Variants in OSBPL1A observed in about 807,000 individuals in gnomAD.
OSBPL1A encodes oxysterol binding protein like 1A.
OSBPL1A carries 80 observed loss-of-function variants against 137.1 expected under a neutral mutation model. The ratio of observed to expected loss-of-function variants is 0.58; its 90% CI spans 0.49 to 0.70. The LOEUF (loss-of-function observed/expected upper bound fraction) is 0.70, where lower values mean the gene tolerates loss of function less well. Ranked by LOEUF, OSBPL1A falls within the 30% of genes least tolerant of loss-of-function variation. OSBPL1A has a pLI of 0.00. For synonymous variants in OSBPL1A, 365 were observed against 389.7 expected (o/e 0.94, Z 0.75); for missense variants, 970 against 1,129.4 (o/e 0.86, Z 2.02).
chr18:24,229,275 T>G (rs2088191872), intron 16 of OSBPL1A, among the ~76,000 whole-genome samples: 1 of 152,164 alleles, frequency 6.6e-6, no homozygotes, highest in South Asian at 2.1e-4. Context: ...ATACATGTCA[T>G]GAGGTTCTGT....
At chr18:24,397,556 A>G (rs1389774139) in intron 1 of OSBPL1A, 99 bp downstream of exon 1, 4 of 152,006 alleles carry the variant, frequency 2.6e-5, no homozygotes, top group African/African-American at 7.3e-5. Flanking sequence ...CCCACCCCCA[A>G]CCAGGCGCGG....
At chr18:24,349,900 T>G (rs904805820) in intron 4 of OSBPL1A, among the ~76,000 whole-genome samples, 5 of 152,162 alleles carry the variant, frequency 3.3e-5, no homozygotes, top group Non-Finnish European at 7.4e-5. Context: ...ACCTTCAGAA[T>G]TGTGAAATAA....
chr18:24,264,928 G>A (rs1463566857), intron 15 of OSBPL1A, among the ~76,000 whole-genome samples: 3 of 152,160 alleles, frequency 2.0e-5, no homozygotes, highest in Non-Finnish European at 2.9e-5. Flanking sequence ...AGCATCCTCT[G>A]TAAAATAAAG....
chr18:24,216,351 A>T (rs2087697424), intron 17 of OSBPL1A, among the ~76,000 whole-genome samples: 1 of 152,130 alleles, frequency 6.6e-6, no homozygotes, highest in African/African-American at 2.4e-5. Flanking sequence ...ACTAAAATAC[A>T]AAAAAATTAG....
At chr18:24,337,390 A>ATAACATAACATAACT in intron 5 of OSBPL1A, among the ~76,000 whole-genome samples, 1 of 151,122 alleles carries the variant, frequency 6.6e-6, no homozygotes, top group African/African-American at 2.4e-5. Flanking sequence ...ATAACATAAC[A>ATAACATAACATAACT]TAACATAACA....
intron 4 of OSBPL1A, among the ~76,000 whole-genome samples, chr18:24,363,442 T>C (rs2146189375): frequency 1.4e-5 from 2 of 145,340 alleles, no homozygotes; most frequent in South Asian, 2.1e-4. Context: ...CTTTTTCTTT[T>C]TTTCCTTTTT....
At chr18:24,292,359 T>C (rs1257016204) in intron 14 of OSBPL1A, among the ~76,000 whole-genome samples, 20 of 152,184 alleles carry the variant, frequency 1.3e-4, no homozygotes, top group Non-Finnish European at 1.5e-5. Flanking sequence ...GTTCTGATGG[T>C]TTCTTCCCTA....
intron 15 of OSBPL1A, among the ~76,000 whole-genome samples, chr18:24,278,979 G>C (rs1329702139): frequency 6.6e-6 from 1 of 152,258 alleles, no homozygotes; most frequent in East Asian, 1.9e-4. Context: ...GAACAATTAT[G>C]TTTTCCTGTG....
chr18:24,389,565 C>T (rs1248881875), intron 1 of OSBPL1A, among the ~76,000 whole-genome samples: 5 of 152,110 alleles, frequency 3.3e-5, no homozygotes, highest in Non-Finnish European at 5.9e-5. Flanking sequence ...ACTCCAAGGG[C>T]GATGACTTGT....
chr18:24,278,821 A>G (rs2089898295), intron 15 of OSBPL1A, among the ~76,000 whole-genome samples: 2 of 152,184 alleles, frequency 1.3e-5, no homozygotes, highest in Non-Finnish European at 2.9e-5. Flanking sequence ...TCTGAATGCA[A>G]TCATCCTGTT....
chr18:24,245,957 C>T (rs975194247), intron 15 of OSBPL1A, among the ~76,000 whole-genome samples: 1 of 152,116 alleles, frequency 6.6e-6, no homozygotes, highest in Non-Finnish European at 1.5e-5. Flanking sequence ...CATCTGTAAT[C>T]CCAGCACTTT....
chr18:24,389,013 A>T (rs1907138398), intron 1 of OSBPL1A, among the ~76,000 whole-genome samples: 2 of 152,252 alleles, frequency 1.3e-5, no homozygotes, highest in South Asian at 2.1e-4. Flanking sequence ...CATATGTTGA[A>T]CAGATTTTTT....
intron 13 of OSBPL1A, among the ~76,000 whole-genome samples, chr18:24,309,868 G>A (rs2090580114): frequency 6.6e-6 from 1 of 151,882 alleles, no homozygotes; most frequent in African/African-American, 2.4e-5. Flanking sequence ...CCTACATGGT[G>A]AAACCCCGTC....
At chr18:24,330,228 C>T (rs150847621) in intron 7 of OSBPL1A, among the ~76,000 whole-genome samples, 194 of 152,208 alleles carry the variant, frequency 1.3e-3, no homozygotes, top group Admixed American at 3.3e-3. Flanking sequence ...GGATGACCTC[C>T]GACTGCTCCC....
At chr18:24,366,635 C>T (rs994224062) in intron 4 of OSBPL1A, 19 of 361,512 alleles carry the variant, frequency 5.3e-5, no homozygotes, top group Non-Finnish European at 9.4e-5. Context: ...AGGAGTTCCC[C>T]ATTGCTGGAG....
chr18:24,191,399 T>C (rs558893560), intron 18 of OSBPL1A, among the ~76,000 whole-genome samples: 6 of 152,358 alleles, frequency 3.9e-5, no homozygotes, highest in Non-Finnish European at 8.8e-5. Context: ...TCTATTAATA[T>C]GAGCAAAGCT....
At chr18:24,166,065 C>G (rs566370880) in intron 26 of OSBPL1A, among the ~76,000 whole-genome samples, 1 of 152,158 alleles carries the variant, frequency 6.6e-6, no homozygotes, top group Non-Finnish European at 1.5e-5. Context: ...CCACTGCACT[C>G]CAGCCTGGGA....
intron 27 of OSBPL1A, among the ~76,000 whole-genome samples, chr18:24,163,516 G>T (rs1026176676): frequency 6.6e-6 from 1 of 152,138 alleles, no homozygotes; most frequent in Admixed American, 6.5e-5. Context: ...TTCCCACCAG[G>T]ATCTAGCAAG....
intron 1 of OSBPL1A, among the ~76,000 whole-genome samples, chr18:24,390,603 G>A (rs9947937): frequency 0.04 from 5,760 of 145,120 alleles, 302 homozygotes; most frequent in African/African-American, 0.12. Flanking sequence ...GCTGAGGCAG[G>A]AGAATCACTT....
Sources: allele counts gnomAD v4.1 joint callset (sites outside exome capture counted in the v4.1 genomes callset), GRCh38; gene constraint gnomAD v4.1.1; transcripts MANE v1.5; gene names NCBI Gene and HGNC (gene_info 2026-07-23, HGNC 2026-07-21).